The following AKT2 variants were observed in gnomAD, a reference collection of about 807,000 sequenced individuals.
AKT2 encodes RAC-beta serine/threonine-protein kinase.
A neutral mutation model predicts 58.6 loss-of-function variants in AKT2; 16 were observed. That is an observed-to-expected ratio of 0.27 (90% CI 0.18 to 0.41). The LOEUF (loss-of-function observed/expected upper bound fraction) is 0.41. Among genes scored for constraint, AKT2 ranks in the 10% least tolerant of loss-of-function variants. The pLI is 1.00. For missense variants in AKT2, 438 were observed against 661.0 expected (o/e 0.66, Z 3.70); for synonymous variants, 253 against 254.0 (o/e 1.00, Z 0.04).
In AKT2 at chr19:40,232,686, A is replaced by T. The variant is rs1973767720; in HGVS notation, c.*1186T>A. ...CCAGGGATGGGGCCCAAGCCCACAC[A>T]CCATGCACACTGGAGGACACGCTGC... is the stretch of plus-strand genomic sequence containing the variant. On this transcript the variant is annotated 3_prime_UTR_variant, in exon 14 of 14. Coordinates refer to ENST00000392038, the MANE Select transcript of AKT2 (RefSeq NM_001626.6). 4.3e-6 allele frequency: 1 copy of T among 233,316 alleles called. No individual in the cohort carries two copies. The highest frequency in any genetic ancestry group is 8.5e-6 in the Non-Finnish European group (1 of 118,258). The allele number at this position is 233,316 out of a possible 1,614,324, so 14.5% of individuals were successfully genotyped here. A position where few individuals can be genotyped will look rare whatever the true frequency, so the allele number is the denominator to read the frequency against.
intron 2 of AKT2, 133 bp downstream of exon 2, chr19:40,265,089 G>T: frequency 7.5e-7 from 1 of 1,340,554 alleles, no homozygotes; most frequent in East Asian, 2.5e-5. Context: ...GGCATAAGCA[G>T]CTGTGGGCCT....
At chr19:40,272,138 G>A (rs144403591) in intron 1 of AKT2, among the ~76,000 whole-genome samples, 143 of 152,328 alleles carry the variant, frequency 9.4e-4, no homozygotes, top group African/African-American at 3.1e-3. Context: ...CTATGACAAT[G>A]AGGAAACTGA....
intron 2 of AKT2, 56 bp downstream of exon 2, chr19:40,265,166 T>C: frequency 1.3e-6 from 2 of 1,591,926 alleles, no homozygotes; most frequent in African/African-American, 2.7e-5. Flanking sequence ...GGGCACAGCT[T>C]TCCAGGAGGA....
intron 1 of AKT2, 31 bp from the exon 2 acceptor site, chr19:40,265,382 G>A (rs906738619): frequency 4.6e-6 from 7 of 1,538,262 alleles, no homozygotes; most frequent in Admixed American, 2.0e-5. Context: ...TGGTCAGGGC[G>A]GGAGGGGATT....
In AKT2 at chr19:40,282,073, A is replaced by AC. The variant is rs577465659; in HGVS notation, c.-85+3107dup. On this transcript the variant is annotated intron_variant, in intron 1 of 13. Transcript: ENST00000392038. Reference sequence around the variant, plus strand: ...ATACACCTCTTTACAGAGGCTGGAAACCAGAACATTGAAGTTCTGGATCCT... The same window carrying AC: ...ATACACCTCTTTACAGAGGCTGGAAACCCAGAACATTGAAGTTCTGGATCCT... 2.2e-3 allele frequency: 419 copies of AC among 188,592 alleles called. 6 individuals carry two copies. The highest frequency in any genetic ancestry group is 0.019 in the Admixed American group (345 of 18,518). 11.7% of individuals were successfully genotyped at this position (188,592 alleles called of 1,614,324 possible). A position where few individuals can be genotyped will look rare whatever the true frequency, so the allele number is the denominator to read the frequency against.
At position 40,242,161 on chromosome 19, in the gene AKT2, C is replaced by T. The variant is rs1974449475; in HGVS notation, c.442-92G>A. 1 of 1,565,714 alleles carries T rather than the reference C, an allele frequency of 6.4e-7. No individual in the cohort carries two copies. The highest frequency in any genetic ancestry group is 8.7e-7 in the Non-Finnish European group (1 of 1,146,344). On this transcript the variant is annotated intron_variant, in intron 5 of 13. Coordinates refer to ENST00000392038, the MANE Select transcript of AKT2 (RefSeq NM_001626.6). This position sits in a 1 kb window ranked among gnomAD's most constrained non-coding sequence, Gnocchi z 4.3. ...CAAAAGAAAGAGGAAAACCAAAAGA[C>T]ACTGTTGCCAAACGGCTTAGGCTGG...
chr19:40,241,808 AC>A, intron 6 of AKT2, 129 bp downstream of exon 6: 7 of 1,401,144 alleles, frequency 5.0e-6, no homozygotes, highest in Non-Finnish European at 6.8e-6. Context: ...CCCTTTTCTG[AC>A]TAGGGGGAAT....
intron 1 of AKT2, 37 bp downstream of exon 1, chr19:40,285,144 G>T (rs1032538349): frequency 2.6e-5 from 10 of 389,784 alleles, no homozygotes; most frequent in Middle Eastern, 6.4e-4. Context: ...CGACCATCGT[G>T]GGGGGGGCGT....
chr19:40,256,271 G>A (rs1035164819), intron 3 of AKT2, among the ~76,000 whole-genome samples: 1 of 152,198 alleles, frequency 6.6e-6, no homozygotes, highest in Non-Finnish European at 1.5e-5. Context: ...AGCATGGCAG[G>A]AGAGGATAGT....
At chr19:40,239,976 T>G (rs1335419090) in intron 7 of AKT2, 69 bp downstream of exon 7, 1 of 1,551,916 alleles carries the variant, frequency 6.4e-7, no homozygotes, top group Non-Finnish European at 8.9e-7. Context: ...ACCAGAAGAT[T>G]AGGGCTCTCT....
Position 40,238,108 on chromosome 19 carries a change from T to G in AKT2, c.709-17A>C, listed in dbSNP as rs1187780115. 6.3e-7 allele frequency: 1 copy of G among 1,583,772 alleles called. No individual in the cohort carries two copies. ...GAAGAACAGCTGCAGGAGGAAGGGG[T>G]GGGGAGAGGAGGTCAGGCCCCAGCC... On this transcript the variant is annotated splice_polypyrimidine_tract_variant and intron_variant, in intron 8 of 13. Coordinates refer to ENST00000392038, the MANE Select transcript of AKT2 (RefSeq NM_001626.6). This position sits in a 1 kb window ranked among gnomAD's most constrained non-coding sequence, Gnocchi z 5.1.
intron 1 of AKT2, among the ~76,000 whole-genome samples, chr19:40,266,837 C>T (rs1976392649): frequency 6.6e-6 from 1 of 152,200 alleles, no homozygotes; most frequent in South Asian, 2.1e-4. Context: ...AGGCATGGTG[C>T]TGTGCACCTG....
intron 7 of AKT2, chr19:40,239,514 A>G: frequency 6.6e-6 from 2 of 304,430 alleles, no homozygotes; most frequent in Non-Finnish European, 1.3e-5. Flanking sequence ...TATTTGAAAA[A>G]GTACTGTGGC....
intron 6 of AKT2, 27 bp downstream of exon 6, chr19:40,241,911 C>G (rs977482003): frequency 6.2e-7 from 1 of 1,613,090 alleles, no homozygotes; most frequent in East Asian, 2.2e-5. Flanking sequence ...CACAGAGGCT[C>G]GCGAGCGCAA....
At chr19:40,282,209 A>G in intron 1 of AKT2, 1 of 237,506 alleles carries the variant, frequency 4.2e-6, no homozygotes, top group Non-Finnish European at 8.5e-6. Context: ...CTGCCAACCA[A>G]GACTTACACA....
At chr19:40,262,737 G>A (rs1422283255) in intron 2 of AKT2, among the ~76,000 whole-genome samples, 1 of 152,204 alleles carries the variant, frequency 6.6e-6, no homozygotes, top group African/African-American at 2.4e-5. Flanking sequence ...AGTCTGTAAG[G>A]TGGCATGTGC....
Position 40,242,911 on chromosome 19 carries a change from G to A in AKT2, c.288-224C>T. The stretch of plus-strand genomic sequence containing the variant: ...TGCCTATAATCCCAGCACTTTGGGA[G>A]GCTGAGGCGGATGGATCACAAGGTC... On this transcript the variant is annotated intron_variant, in intron 4 of 13. Coordinates refer to ENST00000392038, the MANE Select transcript of AKT2 (RefSeq NM_001626.6). This position sits in a 1 kb window ranked among gnomAD's most constrained non-coding sequence, Gnocchi z 4.3. 1 of 540,482 alleles carries A rather than the reference G, an allele frequency of 1.9e-6. No homozygotes were observed. Among genetic ancestry groups the A allele is most frequent in the South Asian group, 2.0e-5 (1 of 51,162 alleles). 33.5% of individuals were successfully genotyped at this position (540,482 alleles called of 1,614,324 possible).
Position 40,232,977 on chromosome 19 carries a change from T to C in AKT2, c.*895A>G, listed in dbSNP as rs1265056116. 1.2e-5 allele frequency: 2 copies of C among 166,528 alleles called. No homozygotes were observed. The highest frequency in any genetic ancestry group is 2.4e-5 in the Non-Finnish European group (2 of 82,066). The allele number at this position is 166,528 out of a possible 1,614,324, so 10.3% of individuals were successfully genotyped here. ...ACCAAGTCCATGGGGCCCAATACTGTCCGGTGTAAGATTGTAACAGCCAAG... is the reference window on the plus strand; with the variant it reads ...ACCAAGTCCATGGGGCCCAATACTGCCCGGTGTAAGATTGTAACAGCCAAG... On this transcript the variant is annotated 3_prime_UTR_variant, in exon 14 of 14. Coordinates refer to ENST00000392038, the MANE Select transcript of AKT2 (RefSeq NM_001626.6).
intron 1 of AKT2, among the ~76,000 whole-genome samples, chr19:40,277,741 C>G (rs1363986115): frequency 6.6e-6 from 1 of 152,228 alleles, no homozygotes; most frequent in South Asian, 2.1e-4. Context: ...CTCTCCCACC[C>G]AGTCCAGCTA....
Sources: allele counts gnomAD v4.1 joint callset (sites outside exome capture counted in the v4.1 genomes callset), GRCh38; gene constraint gnomAD v4.1.1; non-coding constraint Gnocchi (gnomAD v3.1); transcripts MANE v1.5; gene names NCBI Gene and HGNC (gene_info 2026-07-23, HGNC 2026-07-21).